Variants in IL7R observed in about 807,000 individuals in gnomAD.
IL7R encodes the protein interleukin-7 receptor subunit alpha.
IL7R carries 38 observed loss-of-function variants against 47.0 expected under a neutral mutation model. The ratio of observed to expected loss-of-function variants is 0.81; its 90% confidence interval spans 0.62 to 1.06. The LOEUF (loss-of-function observed/expected upper bound fraction) is 1.06, where lower values mean the gene tolerates loss of function less well. Ranked by LOEUF, IL7R falls within the 50% of genes least tolerant of loss-of-function variation. The probability of loss-of-function intolerance (pLI) is 0.00; values close to 1 mark genes in which losing one functional copy is unlikely to be tolerated. For synonymous variants in IL7R, 221 were observed against 199.8 expected, an observed-to-expected ratio of 1.11 and a Z score of -0.89; for missense variants, 633 against 534.8, an observed-to-expected ratio of 1.18 and a Z score of -1.81.
In IL7R at chr5:35,876,598, C is replaced by A; in HGVS notation, c.*112C>A. 8.9e-7 allele frequency: 1 copy of A among 1,118,960 alleles called. No individual in the cohort carries two copies. Among genetic ancestry groups the A allele is most frequent in the Non-Finnish European group, 1.3e-6 (1 of 759,070 alleles). 69.3% of individuals were successfully genotyped at this position (1,118,960 alleles called of 1,614,324 possible). On this transcript the variant is annotated 3_prime_UTR_variant, in exon 8 of 8. Coordinates refer to ENST00000303115, the MANE Select transcript of IL7R (RefSeq NM_002185.5). The stretch of plus-strand genomic sequence containing the variant: ...CAGAGAAGACAAAATTAGCAAAACC[C>A]CACTACACAGTCTGCAAGATTCTGA...
At chr5:35,858,885 T>A (rs1361770100) in intron 1 of IL7R, among the ~76,000 whole-genome samples, 1 of 152,166 alleles carries the variant, frequency 6.6e-6, no homozygotes, top group Non-Finnish European at 1.5e-5. Flanking sequence ...GGACCACAGG[T>A]AGAGTATCCA....
rs1242898925 is a variant in IL7R, at chr5:35,877,296, T to C, written c.*810T>C. On this transcript the variant is annotated 3_prime_UTR_variant, in exon 8 of 8. Transcript: ENST00000303115. ...ATATCATCACTTAAATTAAAATGGC[T>C]ATGAGAAAGAAAGAGGGGGAGAAAC... 3 of 232,872 alleles carry C rather than the reference T, an allele frequency of 1.3e-5. No homozygotes were observed. Among genetic ancestry groups the C allele is most frequent in the Non-Finnish European group, 2.5e-5 (3 of 117,972 alleles). The allele number at this position is 232,872 out of a possible 1,614,324, so 14.4% of individuals were successfully genotyped here.
rs1298825633 is a variant in IL7R, at chr5:35,873,631, A to G, written c.689A>G (p.Glu230Gly). 1 of 1,613,980 alleles carries G rather than the reference A, an allele frequency of 6.2e-7. No homozygotes were observed. The highest frequency in any genetic ancestry group is 1.1e-5 in the South Asian group (1 of 91,078). Residue 230 changes from glutamate (E) to glycine (G), a missense_variant, in exon 5 of 8, where the codon GAG becomes GGG. Physicochemically the swap from Glu to Gly is moderately conservative, Grantham distance 98. Coordinates refer to ENST00000303115, the MANE Select transcript of IL7R (RefSeq NM_002185.5). The stretch of plus-strand genomic sequence containing the variant: ...CCAAGTTATTACTTCAGAACTCCAG[A>G]GATCAATAATAGCTCAGGTAAGGAA... ...WSPSYYFRTPEINNSSGEMDP... is the reference protein window; with the variant it reads ...WSPSYYFRTPGINNSSGEMDP...
rs139835773 is a variant in IL7R, at chr5:35,867,286, T to A, written c.222-20T>A. On this transcript the variant is annotated intron_variant, in intron 2 of 7. Coordinates refer to ENST00000303115, the MANE Select transcript of IL7R (RefSeq NM_002185.5). ...GAACTCCTACCTGAATCAAGACATA[T>A]CCCCTTTTTATTCCTACAGTGGGGC... is the stretch of plus-strand genomic sequence containing the variant. 28 of 1,610,560 alleles carry A rather than the reference T, an allele frequency of 1.7e-5. No homozygotes were observed. The African/African-American group carries it at 3.6e-4, about 21-fold the overall frequency.
At chr5:35,875,788 G>C in intron 7 of IL7R, 195 bp from the exon 8 acceptor site, 1 of 767,520 alleles carries the variant, frequency 1.3e-6, no homozygotes, top group Non-Finnish European at 2.2e-6. Context: ...CCTGGGGCTG[G>C]AGGGCACAGC....
intron 2 of IL7R, among the ~76,000 whole-genome samples, chr5:35,865,984 T>C (rs1288941467): frequency 6.6e-6 from 1 of 152,200 alleles, no homozygotes; most frequent in Non-Finnish European, 1.5e-5. Context: ...ATTCCTGTCG[T>C]GTCCTGGTCT....
Position 35,876,528 on chromosome 5 carries a change from A to T in IL7R, c.*42A>T, listed in dbSNP as rs145513117. 1 of 1,597,554 alleles carries T rather than the reference A, an allele frequency of 6.3e-7. No homozygotes were observed. The highest frequency in any genetic ancestry group is 1.1e-5 in the South Asian group (1 of 90,936). On this transcript the variant is annotated 3_prime_UTR_variant, in exon 8 of 8. Transcript: ENST00000303115. ...ACTGAACTTACCGTGAGCGACAAAG[A>T]TGATTTAAAAGGGAAGTCTAGAGTT...
In IL7R at chr5:35,878,039, G is replaced by T; in HGVS notation, c.*1553G>T. On this transcript the variant is annotated 3_prime_UTR_variant, in exon 8 of 8. Coordinates refer to ENST00000303115, the MANE Select transcript of IL7R (RefSeq NM_002185.5). ...TTTTTACTTTATTTAGGGGGACTAG[G>T]TGTTTCTGATATTTTAGTTTTCTTG... is the stretch of plus-strand genomic sequence containing the variant. 1 of 233,266 alleles carries T rather than the reference G, an allele frequency of 4.3e-6. No individual in the cohort carries two copies. Among genetic ancestry groups the T allele is most frequent in the Admixed American group, 5.6e-5 (1 of 17,782 alleles). 14.4% of individuals were successfully genotyped at this position (233,266 alleles called of 1,614,324 possible). A position where few individuals can be genotyped will look rare whatever the true frequency, so the allele number is the denominator to read the frequency against.
At chr5:35,870,189 CT>C (rs1760034283) in intron 3 of IL7R, among the ~76,000 whole-genome samples, 1 of 152,226 alleles carries the variant, frequency 6.6e-6, no homozygotes, top group South Asian at 2.1e-4. Context: ...GTCTCAGGAC[CT>C]TTCTAGGAAA....
chr5:35,866,106 G>A (rs1270183173), intron 2 of IL7R, among the ~76,000 whole-genome samples: 1 of 152,096 alleles, frequency 6.6e-6, no homozygotes, highest in African/African-American at 2.4e-5. Flanking sequence ...CTTATTTGCT[G>A]TGAGTTTTTA....
At chr5:35,873,927 A>T (rs1258383839) in intron 5 of IL7R, among the ~76,000 whole-genome samples, 1 of 152,176 alleles carries the variant, frequency 6.6e-6, no homozygotes, top group Non-Finnish European at 1.5e-5. Flanking sequence ...CCCACCCACT[A>T]CGTCCAGTTA....
Position 35,876,612 on chromosome 5 carries a change from G to A in IL7R, c.*126G>A. On this transcript the variant is annotated 3_prime_UTR_variant, in exon 8 of 8. Transcript: ENST00000303115. ...TTAGCAAAACCCCACTACACAGTCT[G>A]CAAGATTCTGAAACATTGCTTTGAC... is the stretch of plus-strand genomic sequence containing the variant. 2.0e-6 allele frequency: 2 copies of A among 975,990 alleles called. No individual in the cohort carries two copies. The highest frequency in any genetic ancestry group is 3.1e-6 in the Non-Finnish European group (2 of 634,950). The allele number at this position is 975,990 out of a possible 1,614,324, so 60.5% of individuals were successfully genotyped here.
intron 1 of IL7R, 137 bp downstream of exon 1, chr5:35,857,196 T>A: frequency 4.8e-6 from 3 of 629,008 alleles, no homozygotes; most frequent in South Asian, 4.6e-5. Flanking sequence ...TCAGTCATTT[T>A]TTTTAATGTT....
At chr5:35,859,002 C>A (rs868193179) in intron 1 of IL7R, among the ~76,000 whole-genome samples, 13 of 152,144 alleles carry the variant, frequency 8.5e-5, no homozygotes, top group Non-Finnish European at 1.5e-4. Flanking sequence ...GTAGAATATT[C>A]TTTTTGTAAA....
intron 1 of IL7R, among the ~76,000 whole-genome samples, chr5:35,859,300 T>A (rs1386961710): frequency 2.0e-5 from 3 of 152,178 alleles, no homozygotes; most frequent in African/African-American, 7.2e-5. Context: ...CAAATAATAA[T>A]ACATGTTCTG....
chr5:35,863,340 C>T (rs922254703), intron 2 of IL7R, among the ~76,000 whole-genome samples: 2 of 152,112 alleles, frequency 1.3e-5, no homozygotes, highest in African/African-American at 4.8e-5. Flanking sequence ...GATTCTGTAA[C>T]AAAAGCTAGG....
intron 2 of IL7R, 44 bp downstream of exon 2, chr5:35,861,034 T>A (rs775032327): frequency 6.3e-7 from 1 of 1,586,800 alleles, no homozygotes; most frequent in Non-Finnish European, 8.7e-7. Context: ...ATCCTCTGTC[T>A]CTCTTTTCAT....
At chr5:35,865,086 A>G (rs1305919421) in intron 2 of IL7R, among the ~76,000 whole-genome samples, 1 of 152,066 alleles carries the variant, frequency 6.6e-6, no homozygotes, top group East Asian at 1.9e-4. Context: ...CATTAGGTAT[A>G]TCTCCTAATG....
chr5:35,856,995 A>G lies in IL7R; in HGVS notation c.18A>G (p.Thr6=). The G allele has an allele frequency of 6.2e-7, 1 of 1,604,688 alleles. No homozygotes were observed. The highest frequency in any genetic ancestry group is 1.1e-5 in the South Asian group (1 of 90,898). Residue 6 remains threonine (T), a synonymous_variant, in exon 1 of 8, where the codon ACA becomes ACG. Transcript: ENST00000303115. MTILG[T]TFGMVFSLLQ... is the part of the protein sequence containing the mutation. Reference sequence around the variant, plus strand: ...CTCTCAGAATGACAATTCTAGGTACAACTTTTGGCATGGTTTTTTCTTTAC... The same window carrying G: ...CTCTCAGAATGACAATTCTAGGTACGACTTTTGGCATGGTTTTTTCTTTAC...
Sources: gnomAD v4.1 joint callset for allele counts (sites outside exome capture counted in the v4.1 genomes callset) on GRCh38, gnomAD v4.1.1 for gene constraint, MANE v1.5 for transcripts, NCBI Gene and HGNC (gene_info 2026-07-23, HGNC 2026-07-21) for gene names.